Variants in USP48 observed in about 807,000 individuals in gnomAD.
USP48 encodes ubiquitin carboxyl-terminal hydrolase 48.
In USP48, 43 loss-of-function variants were observed where a neutral mutation model predicts 150.7. The observed-to-expected ratio is 0.29, with a 90% CI of 0.22 to 0.37. USP48 has a LOEUF of 0.37. Ranked by LOEUF, USP48 falls within the 10% of genes least tolerant of loss-of-function variation. The probability of loss-of-function intolerance (pLI) is 1.00; values close to 1 mark genes in which losing one functional copy is unlikely to be tolerated. For missense variants in USP48, 813 were observed against 1,249.6 expected, an observed-to-expected ratio of 0.65 and a Z score of 5.27; for synonymous variants, 396 against 425.9, an observed-to-expected ratio of 0.93 and a Z score of 0.86.
chr1:21,705,871 T>A, intron 18 of USP48, 34 bp from the exon 19 acceptor site: 1 of 1,481,760 alleles, frequency 6.7e-7, no homozygotes, highest in Non-Finnish European at 9.2e-7. Flanking sequence ...GAAATATACC[T>A]AATTACTGCA....
chr1:21,704,156 G>T lies in USP48; in HGVS notation c.2515+106C>A, dbSNP rs1175422787. ...ATGAGAGTTTCCACCTAGGGAGTTG[G>T]GACCGCCGCATGATCTTTAACTTTA... On this transcript the variant is annotated intron_variant, in intron 20 of 26. Transcript: ENST00000308271. The T allele has an allele frequency of 2.3e-6, 3 of 1,332,742 alleles. No homozygotes were observed. The East Asian group carries it at 7.1e-5, about 31-fold the overall frequency. The allele number at this position is 1,332,742 out of a possible 1,614,324, so 82.6% of individuals were successfully genotyped here.
intron 8 of USP48, among the ~76,000 whole-genome samples, chr1:21,737,922 G>A (rs1015779610): frequency 6.0e-5 from 9 of 150,966 alleles, no homozygotes; most frequent in African/African-American, 1.5e-4. Flanking sequence ...TCCCTGAGAC[G>A]GGGTCTTGTT....
Position 21,723,899 on chromosome 1 carries a change from A to G in USP48, c.1647T>C (p.Thr549=). The change falls in exon 12 of 27, where the codon ACT becomes ACC. Residue 549 remains threonine, a splice_region_variant and synonymous_variant. Transcript: ENST00000308271. ...AACAGAGAGGACATCTTGAATTACC[A>G]GTTAGTCTTGGACCTCCTCCATATC... ...YSRYGGGPRL[T]VKALCKECVV... The G allele has an allele frequency of 6.2e-7, 1 of 1,611,122 alleles. No homozygotes were observed. Among genetic ancestry groups the G allele is most frequent in the African/African-American group, 1.3e-5 (1 of 74,976 alleles).
chr1:21,764,864 C>A (rs2097858171), intron 1 of USP48, among the ~76,000 whole-genome samples: 1 of 152,150 alleles, frequency 6.6e-6, no homozygotes. Context: ...TGGCAACCAG[C>A]CCATGTGGAG....
chr1:21,733,965 T>C (rs2097763005), intron 9 of USP48, among the ~76,000 whole-genome samples: 1 of 152,146 alleles, frequency 6.6e-6, no homozygotes, highest in African/African-American at 2.4e-5. Context: ...CCAGTTAATG[T>C]GCTATCTCAA....
intron 1 of USP48, among the ~76,000 whole-genome samples, chr1:21,772,010 T>G (rs953353655): frequency 2.0e-5 from 3 of 152,028 alleles, no homozygotes; most frequent in African/African-American, 7.2e-5. Context: ...GGAAAAAGAC[T>G]GAATTGTTCA....
At position 21,706,452 on chromosome 1, in the gene USP48, T is replaced by C; in HGVS notation, c.2211+15A>G. The C allele has an allele frequency of 6.2e-7, 1 of 1,613,508 alleles. No individual in the cohort carries two copies. Among genetic ancestry groups the C allele is most frequent in the South Asian group, 1.1e-5 (1 of 91,038 alleles). On this transcript the variant is annotated intron_variant, in intron 17 of 26. Transcript: ENST00000308271. The stretch of plus-strand genomic sequence containing the variant: ...AAGAAAAGATGCATTCTTTCTTTTG[T>C]GGGAATCATTATACCTCTGGCCAGT...
chr1:21,744,495 G>A (rs1027447130), intron 8 of USP48, among the ~76,000 whole-genome samples: 7 of 150,404 alleles, frequency 4.7e-5, no homozygotes, highest in Non-Finnish European at 8.9e-5. Context: ...TAGTTTTTAG[G>A]CCAGGTGCGG....
At chr1:21,680,941 C>A in intron 25 of USP48, 107 bp from the exon 26 acceptor site, 1 of 771,336 alleles carries the variant, frequency 1.3e-6, no homozygotes, top group Non-Finnish European at 2.1e-6. Context: ...CTTTTGATTA[C>A]CTTTGTCACC....
intron 1 of USP48, among the ~76,000 whole-genome samples, chr1:21,762,508 T>C (rs2097852203): frequency 6.6e-6 from 1 of 152,196 alleles, no homozygotes; most frequent in African/African-American, 2.4e-5. Context: ...TCAACTCTGC[T>C]TTTCAAAGGT....
intron 6 of USP48, 143 bp from the exon 7 acceptor site, chr1:21,748,414 A>G: frequency 1.4e-6 from 1 of 721,724 alleles, no homozygotes; most frequent in Non-Finnish European, 2.2e-6. Context: ...AATAATGGAC[A>G]CACAAAAGTA....
At chr1:21,690,402 T>A (rs1329144090) in intron 23 of USP48, among the ~76,000 whole-genome samples, 1 of 152,016 alleles carries the variant, frequency 6.6e-6, no homozygotes, top group Non-Finnish European at 1.5e-5. Context: ...GAATAAAAAG[T>A]GGGGCTGGGC....
chr1:21,706,718 C>T, intron 16 of USP48, 26 bp downstream of exon 16: 1 of 1,610,438 alleles, frequency 6.2e-7, no homozygotes, highest in South Asian at 1.1e-5. Context: ...CATGCCATTT[C>T]CCCAGATGTC....
intron 14 of USP48, among the ~76,000 whole-genome samples, chr1:21,717,707 C>T (rs1211648724): frequency 6.6e-6 from 1 of 152,152 alleles, no homozygotes; most frequent in African/African-American, 2.4e-5. Flanking sequence ...CCTGTAATCC[C>T]AGCACTTTGG....
chr1:21,756,332 C>G (rs1266998444), intron 3 of USP48, among the ~76,000 whole-genome samples: 1 of 149,238 alleles, frequency 6.7e-6, no homozygotes, highest in Non-Finnish European at 1.5e-5. Context: ...AATACAAAAA[C>G]TAGCCAGGCG....
At chr1:21,707,660 A>C (rs1411923034) in intron 15 of USP48, among the ~76,000 whole-genome samples, 2 of 152,186 alleles carry the variant, frequency 1.3e-5, no homozygotes, top group African/African-American at 4.8e-5. Context: ...TTATCTACCC[A>C]TATCGGTCAT....
chr1:21,687,579 C>T (rs1238138142), intron 24 of USP48, among the ~76,000 whole-genome samples: 3 of 152,222 alleles, frequency 2.0e-5, no homozygotes, highest in Non-Finnish European at 4.4e-5. Context: ...CTAAGATACT[C>T]GTAGTGGCAG....
intron 1 of USP48, among the ~76,000 whole-genome samples, chr1:21,764,095 G>C (rs1271656194): frequency 6.6e-6 from 1 of 152,068 alleles, no homozygotes; most frequent in African/African-American, 2.4e-5. Context: ...ATGTGTACCT[G>C]TGTCTATCAA....
At chr1:21,736,190 T>C (rs1214414321) in intron 9 of USP48, among the ~76,000 whole-genome samples, 1 of 152,148 alleles carries the variant, frequency 6.6e-6, no homozygotes, top group Non-Finnish European at 1.5e-5. Context: ...GAAGATCACT[T>C]GAGCCTAGCA....
Sources: gnomAD v4.1 joint callset for allele counts (sites outside exome capture counted in the v4.1 genomes callset) on GRCh38, gnomAD v4.1.1 for gene constraint, MANE v1.5 for transcripts, NCBI Gene and HGNC (gene_info 2026-07-23, HGNC 2026-07-21) for gene names.